CFAP54: variants seen among roughly 807,000 people sequenced by gnomAD.
CFAP54 encodes cilia and flagella associated protein 54, also known as cilia- and flagella-associated protein 54.
In CFAP54, 290 loss-of-function variants were observed where a neutral mutation model predicts 370.4. The observed-to-expected ratio is 0.78, with a 90% CI of 0.71 to 0.86. CFAP54 has a LOEUF of 0.86. Ranked by LOEUF, CFAP54 falls within the 40% of genes least tolerant of loss-of-function variation. The probability of loss-of-function intolerance (pLI) is 0.00; values close to 1 mark genes in which losing one functional copy is unlikely to be tolerated. For synonymous variants in CFAP54, 1,206 were observed against 1,236.5 expected (o/e 0.98, Z 0.52); for missense variants, 3,399 against 3,528.7 (o/e 0.96, Z 0.93).
At chr12:96,745,246 C>T (rs1026743061) in intron 55 of CFAP54, among the ~76,000 whole-genome samples, 2 of 152,142 alleles carry the variant, frequency 1.3e-5, no homozygotes, top group African/African-American at 4.8e-5. Flanking sequence ...TGCCCCTAGT[C>T]TTTGAGGAAT....
chr12:96,625,388 G>A (rs1956539581), intron 28 of CFAP54, among the ~76,000 whole-genome samples: 1 of 152,114 alleles, frequency 6.6e-6, no homozygotes, highest in Non-Finnish European at 1.5e-5. Flanking sequence ...CTAAAATGGG[G>A]TAAATGTAAT....
rs992595393 is a variant in CFAP54, at chr12:96,845,163, G to A, written c.9172-15656G>A. Among the ~76,000 whole-genome samples, 220 of 152,244 alleles carry A rather than the reference G, an allele frequency of 1.4e-3. 1 individual carries two copies. The highest frequency in any genetic ancestry group is 5.0e-3 in the African/African-American group (206 of 41,544). On this transcript the variant is annotated intron_variant, in intron 66 of 67. Coordinates refer to ENST00000524981, the MANE Select transcript of CFAP54 (RefSeq NM_001306084.2). ...GTAATAGATTAATGTAAGTGATGCTGGAAATGTATTAGGCTTATTTTACCA... is the reference window on the plus strand; with the variant it reads ...GTAATAGATTAATGTAAGTGATGCTAGAAATGTATTAGGCTTATTTTACCA...
chr12:96,730,504 A>G (rs924658706), intron 50 of CFAP54, among the ~76,000 whole-genome samples: 7 of 152,262 alleles, frequency 4.6e-5, no homozygotes. Context: ...ACAACATAAA[A>G]AAGGAACAGA....
chr12:96,733,152 C>G (rs1957940823), intron 50 of CFAP54, among the ~76,000 whole-genome samples: 1 of 152,200 alleles, frequency 6.6e-6, no homozygotes, highest in Non-Finnish European at 1.5e-5. Flanking sequence ...GAACCTGGCC[C>G]TTGGGACAAA....
At chr12:96,640,804 T>G (rs1159480688) in intron 32 of CFAP54, among the ~76,000 whole-genome samples, 1 of 152,076 alleles carries the variant, frequency 6.6e-6, no homozygotes, top group Non-Finnish European at 1.5e-5. Context: ...TTGACAAACC[T>G]GAGAAAAACA....
chr12:96,516,801 C>T (rs1021994374), intron 5 of CFAP54, among the ~76,000 whole-genome samples: 12 of 152,110 alleles, frequency 7.9e-5, no homozygotes, highest in South Asian at 2.1e-4. Flanking sequence ...AATTATTTCA[C>T]GTACCATTAC....
chr12:96,512,967 A>C lies in CFAP54; in HGVS notation c.740-19A>C, dbSNP rs1175456504. ...TCATTTGACTGTAAAACATGTTAAC[A>C]ATCGTTTTCTCCATCCAGGTACCAT... On this transcript the variant is annotated intron_variant, in intron 4 of 67. Coordinates refer to ENST00000524981, the MANE Select transcript of CFAP54 (RefSeq NM_001306084.2). 2.7e-6 allele frequency: 4 copies of C among 1,471,858 alleles called. No homozygotes were observed. In the Admixed American group the frequency reaches 8.8e-5, roughly 32 times the overall value. The allele number at this position is 1,471,858 out of a possible 1,614,324, so 91.2% of individuals were successfully genotyped here. A position where few individuals can be genotyped will look rare whatever the true frequency, so the allele number is the denominator to read the frequency against.
chr12:96,844,857 C>A (rs1321616212), intron 66 of CFAP54, among the ~76,000 whole-genome samples: 1 of 152,142 alleles, frequency 6.6e-6, no homozygotes. Context: ...CTCTGTGCAG[C>A]CTCTCCCTCT....
chr12:96,626,272 G>C (rs902516931), intron 29 of CFAP54, among the ~76,000 whole-genome samples: 7 of 151,852 alleles, frequency 4.6e-5, no homozygotes, highest in African/African-American at 1.5e-4. Flanking sequence ...CGTAATCCCA[G>C]CTTCTCAGGA....
chr12:96,584,813 G>C (rs911788611), intron 22 of CFAP54, among the ~76,000 whole-genome samples: 5 of 152,064 alleles, frequency 3.3e-5, no homozygotes, highest in Non-Finnish European at 7.4e-5. Context: ...TCATACTTCT[G>C]GTTCACCCTG....
intron 14 of CFAP54, among the ~76,000 whole-genome samples, chr12:96,545,665 A>G (rs1392113496): frequency 2.0e-5 from 3 of 152,206 alleles, no homozygotes; most frequent in Non-Finnish European, 2.9e-5. Flanking sequence ...TTGAGGATTA[A>G]ATTTCAACAT....
intron 51 of CFAP54, among the ~76,000 whole-genome samples, chr12:96,740,311 G>T (rs1019170704): frequency 1.3e-5 from 2 of 152,160 alleles, no homozygotes; most frequent in Non-Finnish European, 2.9e-5. Context: ...AATTACTAAA[G>T]TCCAATCCAA....
intron 45 of CFAP54, 25 bp downstream of exon 45, chr12:96,693,833 T>C (rs1217918179): frequency 7.2e-7 from 1 of 1,383,368 alleles, no homozygotes; most frequent in Non-Finnish European, 1.0e-6. Flanking sequence ...TTTAAGACAT[T>C]TGATATTCTT....
chr12:96,634,815 C>G (rs983954300), intron 32 of CFAP54, among the ~76,000 whole-genome samples: 1 of 152,142 alleles, frequency 6.6e-6, no homozygotes, highest in African/African-American at 2.4e-5. Context: ...TCTAATTGCT[C>G]CAATGTCATT....
In CFAP54 at chr12:96,842,927, A is replaced by G. The variant is rs546336785; in HGVS notation, c.9171+13839A>G. ...AGTTATAGATTTTACTAGAGTTGCT[A>G]TAAGAAATTGCCAGTTACTATTGGC... On this transcript the variant is annotated intron_variant, in intron 66 of 67. Transcript: ENST00000524981. 7.4e-4 allele frequency among the ~76,000 whole-genome samples: 112 copies of G among 152,348 alleles called. 1 individual carries two copies. The highest frequency in any genetic ancestry group is 2.4e-3 in the African/African-American group (99 of 41,580).
chr12:96,665,878 G>C (rs1957074496), intron 39 of CFAP54, among the ~76,000 whole-genome samples: 1 of 152,156 alleles, frequency 6.6e-6, no homozygotes, highest in Admixed American at 6.5e-5. Context: ...AGTTCAATAG[G>C]AATAGCAGTG....
At chr12:96,712,634 TTTATGTTTGTACCCA>T (rs1265200950) in intron 48 of CFAP54, among the ~76,000 whole-genome samples, 1 of 152,120 alleles carries the variant, frequency 6.6e-6, no homozygotes, top group Non-Finnish European at 1.5e-5. Context: ...TCTATCTAAT[TTTATGTTTGTACCCA>T]TTAATGAATT....
chr12:96,693,768 G>T lies in CFAP54; in HGVS notation c.6311G>T (p.Cys2104Phe), dbSNP rs762172248. 1.2e-6 allele frequency: 2 copies of T among 1,602,224 alleles called. No individual in the cohort carries two copies. The highest frequency in any genetic ancestry group is 1.7e-5 in the Admixed American group (1 of 59,600). ...TATCAATATTTTGTTTCTGGAATTT[G>T]TCAAGACATAACAAGAAATCTAGAA... Reference protein sequence around the residue: ...ALYQYFVSGICQDITRNLEAR... With the variant: ...ALYQYFVSGIFQDITRNLEAR... The change falls in exon 45 of 68, where the codon TGT becomes TTT. Residue 2104 changes from cysteine (C) to phenylalanine (F), a missense_variant. Coordinates refer to ENST00000524981, the MANE Select transcript of CFAP54 (RefSeq NM_001306084.2).
intron 58 of CFAP54, among the ~76,000 whole-genome samples, chr12:96,757,998 A>C (rs550586261): frequency 6.6e-6 from 1 of 152,332 alleles, no homozygotes; most frequent in Admixed American, 6.5e-5. Context: ...GATATGGCCT[A>C]TAAACAGATT....
Sources: gnomAD v4.1 joint callset for allele counts (sites outside exome capture counted in the v4.1 genomes callset) on GRCh38, gnomAD v4.1.1 for gene constraint, MANE v1.5 for transcripts, NCBI Gene and HGNC (gene_info 2026-07-23, HGNC 2026-07-21) for gene names.